Variants in VIT observed in about 807,000 individuals in gnomAD.
VIT encodes the protein vitrin.
Under a neutral mutation model 78.0 loss-of-function variants are expected in VIT, and 99 were observed. The observed-to-expected ratio is 1.27, with a 90% CI of 1.08 to 1.50. The LOEUF is 1.50. Among genes scored for constraint, VIT ranks in the 40% most tolerant of loss-of-function variants. The pLI, the probability that VIT is intolerant of heterozygous loss-of-function variation, is 0.00. For synonymous variants in VIT, 374 were observed against 334.3 expected (o/e 1.12, Z -1.29); for missense variants, 1,126 against 875.3 (o/e 1.29, Z -3.61).
chr2:36,725,089 A>G (rs1014761070), intron 2 of VIT, among the ~76,000 whole-genome samples: 2 of 152,120 alleles, frequency 1.3e-5, no homozygotes, highest in African/African-American at 4.8e-5. Flanking sequence ...ATACACCTAA[A>G]AAATGTCTGC....
chr2:36,773,870 C>T (rs1669903894), intron 8 of VIT, 23 bp downstream of exon 8: 2 of 1,576,814 alleles, frequency 1.3e-6, no homozygotes, highest in Non-Finnish European at 1.7e-6. Context: ...ACTCCCTTTC[C>T]AGCCACTGAT....
At chr2:36,700,462 A>G (rs564676164) in intron 1 of VIT, among the ~76,000 whole-genome samples, 2 of 152,198 alleles carry the variant, frequency 1.3e-5, no homozygotes, top group Admixed American at 1.3e-4. Context: ...TAATAATAGG[A>G]CAGGTGTGGT....
chr2:36,712,227 T>C (rs528987521), intron 1 of VIT, among the ~76,000 whole-genome samples: 3 of 152,296 alleles, frequency 2.0e-5, no homozygotes, highest in Admixed American at 2.0e-4. Flanking sequence ...GCGTAGAAAT[T>C]GCAGCGGTGA....
chr2:36,782,746 A>C (rs1323094111), intron 10 of VIT, among the ~76,000 whole-genome samples: 1 of 152,236 alleles, frequency 6.6e-6, no homozygotes, highest in African/African-American at 2.4e-5. Flanking sequence ...ACAGCTTCTG[A>C]GAGCATGAAA....
chr2:36,717,334 A>ATGTGTGTG (rs70946944), intron 2 of VIT, among the ~76,000 whole-genome samples: 11 of 64,136 alleles, frequency 1.7e-4, no homozygotes, highest in Non-Finnish European at 2.7e-4. Context: ...CGCCTGGCTA[A>ATGTGTGTG]TGTGTGTGTG....
At chr2:36,801,038 A>G (rs531927198) in intron 12 of VIT, among the ~76,000 whole-genome samples, 8 of 152,214 alleles carry the variant, frequency 5.3e-5, no homozygotes, top group Non-Finnish European at 1.0e-4. Flanking sequence ...GTTTTCATCT[A>G]CATGAGGAAT....
intron 7 of VIT, 104 bp downstream of exon 7, chr2:36,767,389 G>A: frequency 8.2e-7 from 1 of 1,218,366 alleles, no homozygotes; most frequent in African/African-American, 1.6e-5. Context: ...TGAATGGGGA[G>A]CACTGGAGAA....
intron 12 of VIT, among the ~76,000 whole-genome samples, chr2:36,795,923 G>C: frequency 6.6e-6 from 1 of 152,160 alleles, no homozygotes; most frequent in Non-Finnish European, 1.5e-5. Flanking sequence ...TCAGACATGA[G>C]TGACAATGCT....
intron 3 of VIT, among the ~76,000 whole-genome samples, chr2:36,730,300 C>A (rs1239626402): frequency 9.5e-5 from 14 of 147,094 alleles, no homozygotes; most frequent in East Asian, 2.0e-4. Context: ...AAAAAAAAAA[C>A]AGGGGGAAAA....
At chr2:36,744,158 A>T (rs935828062) in intron 4 of VIT, among the ~76,000 whole-genome samples, 11 of 152,218 alleles carry the variant, frequency 7.2e-5, no homozygotes, top group African/African-American at 2.7e-4. Flanking sequence ...TTATGGCTGC[A>T]TAGTATTCCA....
intron 1 of VIT, among the ~76,000 whole-genome samples, chr2:36,698,099 C>G (rs190568066): frequency 1.3e-5 from 2 of 152,090 alleles, no homozygotes; most frequent in Admixed American, 1.3e-4. Flanking sequence ...ATTAAAATAC[C>G]CTCTTTTGTA....
chr2:36,765,972 A>T (rs1404045482), intron 6 of VIT, among the ~76,000 whole-genome samples: 3 of 152,250 alleles, frequency 2.0e-5, no homozygotes, highest in African/African-American at 7.2e-5. Context: ...CCCAGCAGGC[A>T]CAAGCAACAG....
chr2:36,774,762 G>A (rs1669952275), intron 8 of VIT: 1 of 985,256 alleles, frequency 1.0e-6, no homozygotes, highest in Admixed American at 6.1e-5. Context: ...GGCCATCTTA[G>A]GCCTCTACAG....
Position 36,715,222 on chromosome 2 carries a change from C to T in VIT, c.-18-1131C>T, listed in dbSNP as rs188718444. Among the ~76,000 whole-genome samples the T allele has an allele frequency of 3.7e-3, 558 of 152,268 alleles. 2 individuals carry two copies. Among genetic ancestry groups the T allele is most frequent in the Admixed American group, 4.9e-3 (75 of 15,290 alleles). On this transcript the variant is annotated intron_variant, in intron 1 of 15. Coordinates refer to ENST00000379242, the MANE Select transcript of VIT (RefSeq NM_053276.4). Reference sequence around the variant, plus strand: ...AGAACCTGCACTTCAACAAGAGCCCCAGGTGATGAGTAAACACATTAAGAT... The same window carrying T: ...AGAACCTGCACTTCAACAAGAGCCCTAGGTGATGAGTAAACACATTAAGAT...
intron 4 of VIT, among the ~76,000 whole-genome samples, chr2:36,743,665 T>C (rs1362193638): frequency 6.6e-6 from 1 of 152,214 alleles, no homozygotes; most frequent in Non-Finnish European, 1.5e-5. Context: ...AGAGCTTAAA[T>C]AGTTCATCAA....
chr2:36,776,574 G>A (rs1451326404), intron 9 of VIT, among the ~76,000 whole-genome samples: 1 of 152,144 alleles, frequency 6.6e-6, no homozygotes, highest in Non-Finnish European at 1.5e-5. Flanking sequence ...GCCAAGGCAG[G>A]TGGATCATTT....
At chr2:36,787,791 C>T (rs1467946382) in intron 12 of VIT, 1 of 455,718 alleles carries the variant, frequency 2.2e-6, no homozygotes, top group South Asian at 1.6e-5. Flanking sequence ...AACCTTAGGC[C>T]CCTGCACTGG....
At chr2:36,801,521 C>T in intron 13 of VIT, 117 bp downstream of exon 13, 2 of 987,046 alleles carry the variant, frequency 2.0e-6, no homozygotes, top group Non-Finnish European at 3.0e-6. Flanking sequence ...CAAGAAATAA[C>T]TTCTGGTCGG....
At chr2:36,725,203 A>G (rs1666756214) in intron 2 of VIT, among the ~76,000 whole-genome samples, 1 of 152,210 alleles carries the variant, frequency 6.6e-6, no homozygotes, top group African/African-American at 2.4e-5. Context: ...AGCTAGTGCT[A>G]ACAGTCAGAA....
Sources: gnomAD v4.1 joint callset for allele counts (sites outside exome capture counted in the v4.1 genomes callset) on GRCh38, gnomAD v4.1.1 for gene constraint, MANE v1.5 for transcripts, NCBI Gene and HGNC (gene_info 2026-07-23, HGNC 2026-07-21) for gene names.